Variants in SMAP2 observed in about 807,000 individuals in gnomAD.
SMAP2 encodes the protein small ArfGAP2.
In SMAP2, 25 loss-of-function variants were observed where a neutral mutation model predicts 56.4. That is an observed-to-expected ratio of 0.44 (90% confidence interval 0.32 to 0.62). The LOEUF is 0.62. Ranked by LOEUF, SMAP2 falls within the 20% of genes least tolerant of loss-of-function variation. The probability of loss-of-function intolerance (pLI) is 0.04; values close to 1 mark genes in which losing one functional copy is unlikely to be tolerated. For synonymous variants in SMAP2, 157 were observed against 181.7 expected (o/e 0.86, Z 1.09); for missense variants, 388 against 545.6 (o/e 0.71, Z 2.88).
intron 1 of SMAP2, among the ~76,000 whole-genome samples, chr1:40,401,976 T>A (rs1644839025): frequency 6.6e-6 from 1 of 152,228 alleles, no homozygotes; most frequent in Non-Finnish European, 1.5e-5. Context: ...TGCCCACGCC[T>A]GCTCTTAGGC....
intron 1 of SMAP2, among the ~76,000 whole-genome samples, chr1:40,348,412 A>C (rs559040044): frequency 1.3e-5 from 2 of 152,192 alleles, no homozygotes; most frequent in African/African-American, 4.8e-5. Flanking sequence ...ATATAATTTT[A>C]GGCCAGGCAC....
At chr1:40,419,228 A>G (rs1645018634) in intron 9 of SMAP2, among the ~76,000 whole-genome samples, 5 of 152,120 alleles carry the variant, frequency 3.3e-5, no homozygotes, top group Admixed American at 3.3e-4. Context: ...GAAGGTAATC[A>G]CTAGAACAAA....
rs555292055 is a variant in SMAP2 at position 40,351,317 on chromosome 1, C to T, written c.-83+6407C>T. Among the ~76,000 whole-genome samples, 13 of 152,162 alleles carry T rather than the reference C, an allele frequency of 8.5e-5. No individual in the cohort carries two copies. In the East Asian group the frequency reaches 2.5e-3, roughly 29 times the overall value. ...TGTCTTGGCACTTGTTGGAGATTGT[C>T]CATTGCACAGATTGCACAAGAAACG... On this transcript the variant is annotated intron_variant, in intron 1 of 6. Coordinates refer to the SMAP2 transcript ENST00000435168.
At position 40,393,515 on chromosome 1, in the gene SMAP2, C is replaced by T. The variant is rs1644737958; in HGVS notation, c.104-13221C>T. ...TATTTGTGAGAGACTGTAAGTTGAT[C>T]AACAAAGTGTAAGTAGTTCTTCTAA... On this transcript the variant is annotated intron_variant, in intron 1 of 9. Coordinates refer to ENST00000372718, the MANE Select transcript of SMAP2 (RefSeq NM_022733.3). The T allele has an allele frequency of 2.7e-6, 3 of 1,101,910 alleles. No individual in the cohort carries two copies. In the African/African-American group the frequency reaches 4.8e-5, roughly 18 times the overall value. The allele number at this position is 1,101,910 out of a possible 1,614,324, so 68.3% of individuals were successfully genotyped here. A position where few individuals can be genotyped will look rare whatever the true frequency, so the allele number is the denominator to read the frequency against.
intron 1 of SMAP2, among the ~76,000 whole-genome samples, chr1:40,384,281 T>A (rs908249102): frequency 5.3e-5 from 8 of 152,192 alleles, no homozygotes; most frequent in African/African-American, 1.9e-4. Flanking sequence ...GTTTAACTAG[T>A]CTTATTGATT....
At chr1:40,404,922 C>A (rs1474848140) in intron 1 of SMAP2, among the ~76,000 whole-genome samples, 1 of 152,124 alleles carries the variant, frequency 6.6e-6, no homozygotes, top group Non-Finnish European at 1.5e-5. Flanking sequence ...CTATGTAAAT[C>A]CATCTAGGAA....
chr1:40,409,681 G>A (rs746125674), intron 3 of SMAP2, 76 bp from the exon 4 acceptor site: 38 of 1,030,310 alleles, frequency 3.7e-5, no homozygotes, highest in Non-Finnish European at 5.3e-5. Context: ...ACAATGCTCC[G>A]TGGAACACAA....
At position 40,378,888 on chromosome 1, in the gene SMAP2, C is replaced by T. The variant is rs150913300; in HGVS notation, c.103+4665C>T. ...CAAAAGGTCCAAAGGGGAATATGTA[C>T]GGTATAAAATCATTCTGCTGTCCCT... On this transcript the variant is annotated intron_variant, in intron 1 of 9. Transcript: ENST00000372718. 9.0e-4 allele frequency among the ~76,000 whole-genome samples: 137 copies of T among 152,146 alleles called. 1 individual carries two copies. Among genetic ancestry groups the T allele is most frequent in the African/African-American group, 3.2e-3 (131 of 41,502 alleles).
chr1:40,409,302 A>AG (rs1360223335), intron 3 of SMAP2, among the ~76,000 whole-genome samples: 1 of 152,148 alleles, frequency 6.6e-6, no homozygotes, highest in African/African-American at 2.4e-5. Flanking sequence ...TAATGGGTTC[A>AG]GGTGGAACCT....
chr1:40,394,791 G>A (rs931810175), intron 1 of SMAP2, among the ~76,000 whole-genome samples: 2 of 152,132 alleles, frequency 1.3e-5, no homozygotes, highest in African/African-American at 4.8e-5. Context: ...AGTATACAAT[G>A]TGGTGTTTTG....
chr1:40,395,621 A>G (rs1408929256), intron 1 of SMAP2, among the ~76,000 whole-genome samples: 1 of 152,240 alleles, frequency 6.6e-6, no homozygotes, highest in Admixed American at 6.5e-5. Flanking sequence ...TACAGTTACT[A>G]TCTTTTAGAA....
At chr1:40,409,009 A>T in intron 3 of SMAP2, among the ~76,000 whole-genome samples, 1 of 152,224 alleles carries the variant, frequency 6.6e-6, no homozygotes, top group East Asian at 1.9e-4. Flanking sequence ...TTACATCTCC[A>T]CTAGTTTATT....
chr1:40,387,747 C>A (rs1474816159), intron 1 of SMAP2, among the ~76,000 whole-genome samples: 1 of 152,218 alleles, frequency 6.6e-6, no homozygotes, highest in African/African-American at 2.4e-5. Flanking sequence ...GGCACCCACT[C>A]TGGCCGCACT....
intron 1 of SMAP2, among the ~76,000 whole-genome samples, chr1:40,405,778 G>A (rs1644880172): frequency 6.6e-6 from 1 of 152,218 alleles, no homozygotes; most frequent in Non-Finnish European, 1.5e-5. Flanking sequence ...TAAAAATTAT[G>A]AAGAGGAGTA....
At chr1:40,399,114 ACCCTGT>A (rs1258051615) in intron 1 of SMAP2, among the ~76,000 whole-genome samples, 1 of 151,896 alleles carries the variant, frequency 6.6e-6, no homozygotes, top group Admixed American at 6.6e-5. Flanking sequence ...ACATAGTGAG[ACCCTGT>A]CTCTTTTTTA....
chr1:40,374,667 G>C lies in SMAP2; in HGVS notation c.103+444G>C. 6.5e-7 allele frequency: 1 copy of C among 1,550,018 alleles called. No homozygotes were observed. The highest frequency in any genetic ancestry group is 8.7e-7 in the Non-Finnish European group (1 of 1,146,800). ...AATGACGAGGAGGAGGAGGAGGGAA[G>C]TGAGATGGCGGAAAGGAAAACTGCT... is the stretch of plus-strand genomic sequence containing the variant. On this transcript the variant is annotated intron_variant, in intron 1 of 9. Transcript: ENST00000372718. This position sits in a 1 kb window ranked among gnomAD's most constrained non-coding sequence, Gnocchi z 5.9.
chr1:40,364,674 G>C (rs1457172040), intron 2 of SMAP2: 1 of 151,656 alleles, frequency 6.6e-6, no homozygotes, highest in Non-Finnish European at 1.5e-5. Context: ...AGCCTGGGAA[G>C]TCGAGGTTGC....
intron 4 of SMAP2, among the ~76,000 whole-genome samples, chr1:40,410,344 C>T (rs1644923006): frequency 6.6e-6 from 1 of 151,864 alleles, no homozygotes; most frequent in South Asian, 2.1e-4. Context: ...TTGCCTTAAT[C>T]TGTAGTTAGA....
chr1:40,360,007 T>TTC (rs1553188306), intron 1 of SMAP2, among the ~76,000 whole-genome samples: 1 of 136,078 alleles, frequency 7.3e-6, no homozygotes, highest in African/African-American at 2.8e-5. Flanking sequence ...CTTCTTTCTT[T>TTC]TTTTTTTTTT....
Sources: gnomAD v4.1 joint callset for allele counts (sites outside exome capture counted in the v4.1 genomes callset) on GRCh38, gnomAD v4.1.1 for gene constraint, Gnocchi (gnomAD v3.1) non-coding constraint, MANE v1.5 for transcripts, NCBI Gene and HGNC (gene_info 2026-07-23, HGNC 2026-07-21) for gene names.